SCUBE1: variants seen among roughly 807,000 people sequenced by gnomAD.
The protein encoded by SCUBE1 is signal peptide, CUB and EGF-like domain-containing protein 1.
In SCUBE1, 59 loss-of-function variants were observed where a neutral mutation model predicts 124.4. The observed-to-expected ratio is 0.47, with a 90% confidence interval of 0.38 to 0.59. SCUBE1 has a LOEUF of 0.59. Among genes scored for constraint, SCUBE1 ranks in the 20% least tolerant of loss-of-function variants. The pLI, the probability that SCUBE1 is intolerant of heterozygous loss-of-function variation, is 0.00. For missense variants in SCUBE1, 1,150 were observed against 1,371.2 expected (o/e 0.84, Z 2.55); for synonymous variants, 545 against 550.9 (o/e 0.99, Z 0.15).
chr22:43,205,442 G>A (rs954897231), intron 21 of SCUBE1, among the ~76,000 whole-genome samples: 3 of 151,950 alleles, frequency 2.0e-5, no homozygotes, highest in African/African-American at 7.3e-5. Context: ...CCTGGCCCAG[G>A]GAAGGTGTTC....
intron 2 of SCUBE1, among the ~76,000 whole-genome samples, chr22:43,333,826 C>A (rs1032312615): frequency 6.6e-6 from 1 of 152,188 alleles, no homozygotes; most frequent in African/African-American, 2.4e-5. Flanking sequence ...TCAGTTTCCT[C>A]ACTTGAAAAA....
chr22:43,332,257 C>T (rs1926927212), intron 2 of SCUBE1, among the ~76,000 whole-genome samples: 1 of 152,140 alleles, frequency 6.6e-6, no homozygotes, highest in Non-Finnish European at 1.5e-5. Flanking sequence ...CACTGAACTC[C>T]AGCCTGGTGA....
Position 43,210,221 on chromosome 22 carries a change from C to T in SCUBE1, c.2403G>A (p.Glu801=). ...CGATGTAGCCGGTGTAGTCACCAAG[C>T]TCGCCGCCGCAGTGCTGGTCTGTGG... is the stretch of plus-strand genomic sequence containing the variant. The part of the protein sequence containing the change: ...THCKNQHCGG[E]LGDYTGYIES... The change falls in exon 19 of 22, where the codon GAG becomes GAA. Residue 801 remains glutamate (E), a synonymous_variant. Transcript: ENST00000360835. This position sits in a 1 kb window ranked among gnomAD's most constrained non-coding sequence, Gnocchi z 4.5. 6.4e-7 allele frequency: 1 copy of T among 1,563,282 alleles called. No individual in the cohort carries two copies. The highest frequency in any genetic ancestry group is 8.7e-7 in the Non-Finnish European group (1 of 1,155,980).
At chr22:43,222,396 T>A (rs1285204280) in intron 12 of SCUBE1, among the ~76,000 whole-genome samples, 1 of 152,250 alleles carries the variant, frequency 6.6e-6, no homozygotes, top group Non-Finnish European at 1.5e-5. Context: ...CCACTCTGGC[T>A]GTGACCTCAG....
At chr22:43,326,023 T>A (rs1211159405) in intron 2 of SCUBE1, among the ~76,000 whole-genome samples, 9 of 152,058 alleles carry the variant, frequency 5.9e-5, no homozygotes, top group Admixed American at 5.9e-4. Flanking sequence ...TTCTAAAAGA[T>A]CCTATTGCAA....
chr22:43,206,462 G>T (rs1921285951), intron 21 of SCUBE1, among the ~76,000 whole-genome samples: 1 of 152,148 alleles, frequency 6.6e-6, no homozygotes, highest in African/African-American at 2.4e-5. Context: ...CCTCTGTGCT[G>T]TGGGGGCAGG....
At chr22:43,257,948 C>A (rs1002077557) in intron 6 of SCUBE1, among the ~76,000 whole-genome samples, 1 of 152,210 alleles carries the variant, frequency 6.6e-6, no homozygotes, top group Non-Finnish European at 1.5e-5. Context: ...AGAATCCCTG[C>A]TGCTAGGGAG....
At chr22:43,256,183 G>A (rs895961372) in intron 6 of SCUBE1, among the ~76,000 whole-genome samples, 4 of 152,186 alleles carry the variant, frequency 2.6e-5, no homozygotes, top group African/African-American at 7.2e-5. Flanking sequence ...GAAAAACCAC[G>A]GGATCGATTT....
chr22:43,264,775 A>T (rs999432522), intron 4 of SCUBE1, among the ~76,000 whole-genome samples: 2 of 152,226 alleles, frequency 1.3e-5, no homozygotes, highest in African/African-American at 4.8e-5. Context: ...AGGGTGCTCC[A>T]TCTCCCCTTG....
rs150884080 is a variant in SCUBE1, at chr22:43,303,014, G to A, written c.350-11834C>T. On this transcript the variant is annotated intron_variant, in intron 3 of 21. Coordinates refer to ENST00000360835, the MANE Select transcript of SCUBE1 (RefSeq NM_173050.5). Reference sequence around the variant, plus strand: ...CAAGGAGGGGCCCCGGAGCTCCCACGACACCCCAGGTGACACAGGTCCTCT... The same window carrying A: ...CAAGGAGGGGCCCCGGAGCTCCCACAACACCCCAGGTGACACAGGTCCTCT... Among the ~76,000 whole-genome samples, 1,190 of 152,290 alleles carry A rather than the reference G, an allele frequency of 7.8e-3. 21 individuals carry two copies. The highest frequency in any genetic ancestry group is 0.027 in the African/African-American group (1,135 of 41,556).
intron 16 of SCUBE1, among the ~76,000 whole-genome samples, chr22:43,212,853 G>T (rs931084696): frequency 6.6e-6 from 1 of 152,204 alleles, no homozygotes; most frequent in Non-Finnish European, 1.5e-5. Context: ...AAGGCCTGGG[G>T]GTTGAAGAGC....
At position 43,214,238 on chromosome 22, in the gene SCUBE1, AGGC is replaced by A; in HGVS notation, c.1902_1904del (p.Pro635del). ...CGAGCTCACCACCGAAGTGGGTGCC[AGGC>A]CCACAGGCAACTGCAGAGGCAAAGC... On this transcript the variant is annotated inframe_deletion, in exon 16 of 22. Transcript: ENST00000360835. 1 of 1,612,070 alleles carries A rather than the reference AGGC, an allele frequency of 6.2e-7. No individual in the cohort carries two copies. The highest frequency in any genetic ancestry group is 8.5e-7 in the Non-Finnish European group (1 of 1,179,392).
chr22:43,322,556 C>T (rs1469606210), intron 2 of SCUBE1, among the ~76,000 whole-genome samples: 3 of 152,214 alleles, frequency 2.0e-5, no homozygotes, highest in Admixed American at 1.3e-4. Context: ...TCGTTACAGT[C>T]TGCCCACTGG....
chr22:43,326,563 C>T (rs938360460), intron 2 of SCUBE1, among the ~76,000 whole-genome samples: 3 of 152,232 alleles, frequency 2.0e-5, no homozygotes, highest in African/African-American at 4.8e-5. Context: ...ATCAGGTTTC[C>T]CTTCTGCAGA....
rs145227754 is a variant in SCUBE1 at position 43,197,839 on chromosome 22, G to A, written c.*6158C>T. On this transcript the variant is annotated 3_prime_UTR_variant, in exon 22 of 22. Transcript: ENST00000360835. ...ACGAGTTTTTCGTGCTTGTGAAGGA[G>A]GGAAGGAATGTCACTGAAGTCACCC... 1 of 152,364 alleles carries A rather than the reference G, an allele frequency of 6.6e-6. No homozygotes were observed. The highest frequency in any genetic ancestry group is 2.4e-5 in the African/African-American group (1 of 41,588). 9.4% of individuals were successfully genotyped at this position (152,364 alleles called of 1,614,324 possible).
At chr22:43,271,816 C>T (rs989580508) in intron 4 of SCUBE1, among the ~76,000 whole-genome samples, 13 of 152,148 alleles carry the variant, frequency 8.5e-5, no homozygotes, top group African/African-American at 2.9e-4. Flanking sequence ...TTCTACTTAC[C>T]CAGAGCGCCC....
chr22:43,311,467 C>T (rs1601881460), intron 3 of SCUBE1, among the ~76,000 whole-genome samples: 2 of 149,508 alleles, frequency 1.3e-5, no homozygotes, highest in South Asian at 2.1e-4. Flanking sequence ...GTCGCCCAGG[C>T]TGGAGTGCAG....
chr22:43,260,430 T>C (rs1175498281), intron 5 of SCUBE1, among the ~76,000 whole-genome samples: 1 of 152,210 alleles, frequency 6.6e-6, no homozygotes, highest in Non-Finnish European at 1.5e-5. Flanking sequence ...GGTCCTGGGC[T>C]CTGGACGGAT....
chr22:43,244,358 C>T (rs575415299), intron 6 of SCUBE1, among the ~76,000 whole-genome samples: 1 of 152,364 alleles, frequency 6.6e-6, no homozygotes, highest in East Asian at 1.9e-4. Flanking sequence ...CCACTGACCA[C>T]ACGCTATCTG....
Sources: gnomAD v4.1 joint callset for allele counts (sites outside exome capture counted in the v4.1 genomes callset) on GRCh38, gnomAD v4.1.1 for gene constraint, Gnocchi (gnomAD v3.1) non-coding constraint, MANE v1.5 for transcripts, NCBI Gene and HGNC (gene_info 2026-07-23, HGNC 2026-07-21) for gene names.